The following BNC2 variants were observed in gnomAD, a reference collection of about 807,000 sequenced individuals.
The protein encoded by BNC2 is basonuclin zinc finger protein 2.
In BNC2, 20 loss-of-function variants were observed where a neutral mutation model predicts 76.3. That is an observed-to-expected ratio of 0.26 (90% confidence interval 0.18 to 0.38). BNC2 has a LOEUF of 0.38. Ranked by LOEUF, BNC2 falls within the 10% of genes least tolerant of loss-of-function variation. BNC2 has a pLI of 1.00. For missense variants in BNC2, 1,382 were observed against 1,399.8 expected (o/e 0.99, Z 0.20); for synonymous variants, 582 against 514.8 (o/e 1.13, Z -1.77).
chr9:16,604,991 G>C lies in BNC2; in HGVS notation c.331-21906C>G, dbSNP rs10962505. On this transcript the variant is annotated intron_variant, in intron 3 of 6. Coordinates refer to ENST00000380672, the MANE Select transcript of BNC2 (RefSeq NM_017637.6). ...ACCAAACAAATCCCTCCACTCTCGG[G>C]AATTACACAAATAGAGCACCAACTT... is the stretch of plus-strand genomic sequence containing the variant. Among the ~76,000 whole-genome samples, 474 of 152,192 alleles carry C rather than the reference G, an allele frequency of 3.1e-3. 11 individuals are homozygous for C. The East Asian group carries it at 0.04, about 13-fold the overall frequency.
At position 16,443,830 on chromosome 9, in the gene BNC2, G is replaced by C. The variant is rs144551129; in HGVS notation, c.670-6306C>G. Among the ~76,000 whole-genome samples, 405 of 152,318 alleles carry C rather than the reference G, an allele frequency of 2.7e-3. 1 individual carries two copies. Among genetic ancestry groups the C allele is most frequent in the African/African-American group, 7.9e-3 (329 of 41,562 alleles). On this transcript the variant is annotated intron_variant, in intron 5 of 6. Coordinates refer to ENST00000380672, the MANE Select transcript of BNC2 (RefSeq NM_017637.6). ...ACATAAAGTGGATTAGTAGTTGCCA[G>C]GGGAAAGGGACTGAGTGTAAAGCAA...
rs1390825147 is a variant in BNC2 at position 16,436,267 on chromosome 9, C to G, written c.1927G>C (p.Glu643Gln). The part of the protein sequence containing the change: ...PRKSSMPVKI[E>Q]KEIIDTADEF... ...TCGGCGGTATCAATAATTTCCTTCT[C>G]AATCTTCACAGGCATGCTTGACTTC... Residue 643 changes from glutamate (E) to glutamine (Q), a missense_variant, in exon 6 of 7, where the codon GAG (glutamate) becomes CAG (glutamine). Glu to Gln is a conservative substitution (Grantham distance 29). Coordinates refer to ENST00000380672, the MANE Select transcript of BNC2 (RefSeq NM_017637.6). 1 of 1,614,140 alleles carries G rather than the reference C, an allele frequency of 6.2e-7. No homozygotes were observed. Among genetic ancestry groups the G allele is most frequent in the Non-Finnish European group, 8.5e-7 (1 of 1,180,018 alleles).
intron 1 of BNC2, among the ~76,000 whole-genome samples, chr9:16,744,937 G>T (rs1454039176): frequency 6.6e-6 from 1 of 152,174 alleles, no homozygotes; most frequent in Non-Finnish European, 1.5e-5. Flanking sequence ...TTTACATTTT[G>T]TGTGTGTGCT....
At chr9:16,743,410 A>T (rs10962559) in intron 1 of BNC2, among the ~76,000 whole-genome samples, 65,040 of 152,102 alleles carry the variant, frequency 0.43, 18,685 homozygotes, top group Non-Finnish European at 0.64. Context: ...TACCCCTCTG[A>T]AAGAGGACCT....
chr9:16,765,045 T>C (rs1240312059), intron 1 of BNC2, among the ~76,000 whole-genome samples: 2 of 152,140 alleles, frequency 1.3e-5, no homozygotes, highest in Non-Finnish European at 2.9e-5. Context: ...GGCTCTTGGT[T>C]TAGGAAGAAG....
At chr9:16,675,310 C>T (rs1001863861) in intron 3 of BNC2, among the ~76,000 whole-genome samples, 9 of 151,806 alleles carry the variant, frequency 5.9e-5, no homozygotes, top group African/African-American at 1.7e-4. Flanking sequence ...GTGGTGCTGT[C>T]GTAATGTGAT....
At chr9:16,469,866 C>A (rs773032126) in intron 5 of BNC2, among the ~76,000 whole-genome samples, 1 of 152,106 alleles carries the variant, frequency 6.6e-6, no homozygotes, top group Non-Finnish European at 1.5e-5. Flanking sequence ...AAGAGACTGG[C>A]AGCATTTTGC....
chr9:16,796,744 G>A (rs1020476887), intron 1 of BNC2, among the ~76,000 whole-genome samples: 1 of 152,108 alleles, frequency 6.6e-6, no homozygotes, highest in African/African-American at 2.4e-5. Context: ...TACTTGAGTA[G>A]AATCGTATTT....
intron 5 of BNC2, among the ~76,000 whole-genome samples, chr9:16,472,974 G>T (rs905705748): frequency 2.0e-5 from 3 of 152,142 alleles, no homozygotes; most frequent in African/African-American, 7.2e-5. Flanking sequence ...GCTGTATGTG[G>T]ATACTATGGC....
chr9:16,543,463 T>A (rs993216023), intron 5 of BNC2, among the ~76,000 whole-genome samples: 1 of 152,186 alleles, frequency 6.6e-6, no homozygotes, highest in African/African-American at 2.4e-5. Flanking sequence ...AACTGATTCT[T>A]ATCAAATGGA....
At chr9:16,853,947 G>C (rs1486646638) in intron 1 of BNC2, among the ~76,000 whole-genome samples, 2 of 152,148 alleles carry the variant, frequency 1.3e-5, no homozygotes, top group East Asian at 1.9e-4. Context: ...TTACATGCTT[G>C]TACTATGACT....
intron 1 of BNC2, among the ~76,000 whole-genome samples, chr9:16,780,116 G>T (rs1826089909): frequency 6.6e-6 from 1 of 150,848 alleles, no homozygotes; most frequent in African/African-American, 2.4e-5. Context: ...GGTGCCTGTA[G>T]TCCCAGCTAC....
chr9:16,448,304 C>A (rs1821268233), intron 5 of BNC2, among the ~76,000 whole-genome samples: 1 of 152,062 alleles, frequency 6.6e-6, no homozygotes, highest in African/African-American at 2.4e-5. Context: ...TGCTTTTCCA[C>A]AATGTCTGAA....
intron 5 of BNC2, among the ~76,000 whole-genome samples, chr9:16,495,323 A>G (rs1051332921): frequency 1.3e-5 from 2 of 152,210 alleles, no homozygotes; most frequent in African/African-American, 4.8e-5. Context: ...ATAAAATGAA[A>G]CACTTTTCTG....
Position 16,412,853 on chromosome 9 carries a change from A to G in BNC2, c.*6136T>C, listed in dbSNP as rs1434712346. 1 of 152,618 alleles carries G rather than the reference A, an allele frequency of 6.6e-6. No homozygotes were observed. Among genetic ancestry groups the G allele is most frequent in the Non-Finnish European group, 1.5e-5 (1 of 68,054 alleles). 9.5% of individuals were successfully genotyped at this position (152,618 alleles called of 1,614,324 possible). On this transcript the variant is annotated 3_prime_UTR_variant, in exon 7 of 7. Transcript: ENST00000380672. The stretch of plus-strand genomic sequence containing the variant: ...GTCAATTTCTCCTTCACAAGGGGAT[A>G]AACAGGCAATTACGCATCCTTTTAT...
At chr9:16,501,726 C>T (rs1362219823) in intron 5 of BNC2, among the ~76,000 whole-genome samples, 2 of 152,106 alleles carry the variant, frequency 1.3e-5, no homozygotes, top group African/African-American at 4.8e-5. Flanking sequence ...TTGATGGAAA[C>T]GCTGATCCCA....
At chr9:16,633,519 TA>T (rs1554692698) in intron 3 of BNC2, among the ~76,000 whole-genome samples, 1 of 152,232 alleles carries the variant, frequency 6.6e-6, no homozygotes, top group Non-Finnish European at 1.5e-5. Context: ...CTACCTCAAA[TA>T]ACTTTTTTTG....
intron 1 of BNC2, among the ~76,000 whole-genome samples, chr9:16,794,411 G>A (rs1460242497): frequency 6.6e-6 from 1 of 152,142 alleles, no homozygotes; most frequent in Non-Finnish European, 1.5e-5. Context: ...AGGCTCTCCT[G>A]TTTCCAACCG....
At chr9:16,595,895 GA>G (rs1434463538) in intron 3 of BNC2, among the ~76,000 whole-genome samples, 2 of 151,122 alleles carry the variant, frequency 1.3e-5, no homozygotes, top group South Asian at 2.1e-4. Flanking sequence ...GCCTTGTGGA[GA>G]AAAAAAAAGT....
Sources: allele counts gnomAD v4.1 joint callset (sites outside exome capture counted in the v4.1 genomes callset), GRCh38; gene constraint gnomAD v4.1.1; transcripts MANE v1.5; gene names NCBI Gene and HGNC (gene_info 2026-07-23, HGNC 2026-07-21).